Variants in ZNF804B observed in about 807,000 individuals in gnomAD.
ZNF804B encodes zinc finger 804B.
ZNF804B carries 80 observed loss-of-function variants against 101.4 expected under a neutral mutation model. The ratio of observed to expected loss-of-function variants is 0.79; its 90% CI spans 0.66 to 0.95. The LOEUF (loss-of-function observed/expected upper bound fraction) is 0.95, where lower values mean the gene tolerates loss of function less well. Ranked by LOEUF, ZNF804B falls within the 40% of genes least tolerant of loss-of-function variation. ZNF804B has a pLI of 0.00. For missense variants in ZNF804B, 1,673 were observed against 1,561.9 expected, an observed-to-expected ratio of 1.07 and a Z score of -1.20; for synonymous variants, 622 against 558.8, an observed-to-expected ratio of 1.11 and a Z score of -1.59.
At position 89,334,276 on chromosome 7, in the gene ZNF804B, T is replaced by C; in HGVS notation, c.1294T>C (p.Cys432Arg). 6.2e-7 allele frequency: 1 copy of C among 1,613,786 alleles called. No individual in the cohort carries two copies. Among genetic ancestry groups the C allele is most frequent in the African/African-American group, 1.3e-5 (1 of 75,016 alleles). The stretch of plus-strand genomic sequence containing the variant: ...TGTTCAAAGACTTGTAAAAGAAGCA[T>C]GTACCCATAATGTGGCATCTAAACC... ...KNVQRLVKEA[C>R]THNVASKPLP... is the part of the protein sequence containing the mutation. The change falls in exon 4 of 4, where the codon TGT becomes CGT. Residue 432 changes from cysteine to arginine, a missense_variant. Cys to Arg is a radical substitution (Grantham distance 180, BLOSUM62 -3). Transcript: ENST00000333190.
chr7:88,806,161 A>G (rs1450816716), intron 1 of ZNF804B, among the ~76,000 whole-genome samples: 1 of 152,152 alleles, frequency 6.6e-6, no homozygotes, highest in Non-Finnish European at 1.5e-5. Context: ...TATACTCAGA[A>G]AAATCTAAAC....
At chr7:89,292,465 GC>G (rs1790311704) in intron 2 of ZNF804B, among the ~76,000 whole-genome samples, 1 of 152,070 alleles carries the variant, frequency 6.6e-6, no homozygotes, top group Non-Finnish European at 1.5e-5. Context: ...GTTTGTTTAT[GC>G]AGTGTTACAT....
At position 89,082,422 on chromosome 7, in the gene ZNF804B, T is replaced by A. The variant is rs74510174; in HGVS notation, c.109-135733T>A. ...TTACAAGCACCTATTATAGTAATGT[T>A]CTCTATTTTCCATTTAAATTTAAAT... On this transcript the variant is annotated intron_variant, in intron 1 of 3. Transcript: ENST00000333190. Among the ~76,000 whole-genome samples, 1,561 of 151,798 alleles carry A rather than the reference T, an allele frequency of 0.01. 99 individuals carry two copies. In the East Asian group the frequency reaches 0.18, roughly 18 times the overall value.
At chr7:89,154,956 C>T (rs1790934770) in intron 1 of ZNF804B, among the ~76,000 whole-genome samples, 1 of 151,558 alleles carries the variant, frequency 6.6e-6, no homozygotes, top group Non-Finnish European at 1.5e-5. Flanking sequence ...TACCCATTTC[C>T]CATGATGCGA....
chr7:89,012,288 C>T (rs13227808), intron 1 of ZNF804B, among the ~76,000 whole-genome samples: 26,391 of 151,914 alleles, frequency 0.17, 3,749 homozygotes, highest in African/African-American at 0.38. Context: ...GAGGGGCTGC[C>T]GTGAAGACTT....
chr7:88,996,031 T>C (rs971619482), intron 1 of ZNF804B, among the ~76,000 whole-genome samples: 2 of 152,066 alleles, frequency 1.3e-5, no homozygotes, highest in African/African-American at 4.8e-5. Flanking sequence ...AAACATAGTG[T>C]GGCATTGTAG....
intron 2 of ZNF804B, among the ~76,000 whole-genome samples, chr7:89,252,210 A>G (rs1208830): frequency 0.77 from 116,863 of 152,056 alleles, 46,036 homozygotes; most frequent in African/African-American, 0.93. Flanking sequence ...AACTGAAAAA[A>G]CATAAACAAA....
intron 1 of ZNF804B, among the ~76,000 whole-genome samples, chr7:89,180,578 T>C (rs1158341588): frequency 1.3e-5 from 2 of 151,958 alleles, no homozygotes; most frequent in Non-Finnish European, 2.9e-5. Context: ...GAGCTAAGCC[T>C]ACAATGGGGG....
intron 1 of ZNF804B, among the ~76,000 whole-genome samples, chr7:88,913,769 A>T (rs917650572): frequency 6.6e-6 from 1 of 152,226 alleles, no homozygotes; most frequent in Non-Finnish European, 1.5e-5. Flanking sequence ...ACAAGTGTAT[A>T]TGCGGATGAA....
chr7:89,199,402 G>T (rs918924063), intron 1 of ZNF804B, among the ~76,000 whole-genome samples: 1 of 151,718 alleles, frequency 6.6e-6, no homozygotes, highest in Non-Finnish European at 1.5e-5. Context: ...TTTTTATATT[G>T]CTGTTAAAAT....
chr7:88,776,560 G>GTTTTTT (rs57733765), intron 1 of ZNF804B, among the ~76,000 whole-genome samples: 48 of 75,088 alleles, frequency 6.4e-4, no homozygotes, highest in Non-Finnish European at 9.8e-4. Context: ...GTGGTGTTTT[G>GTTTTTT]TTTTTTTTTT....
chr7:89,055,203 C>G (rs1291854270), intron 1 of ZNF804B, among the ~76,000 whole-genome samples: 2 of 151,970 alleles, frequency 1.3e-5, no homozygotes, highest in Non-Finnish European at 2.9e-5. Flanking sequence ...AAGAATCCTT[C>G]TGAGGAAAGG....
At chr7:89,150,166 C>T (rs1790851703) in intron 1 of ZNF804B, among the ~76,000 whole-genome samples, 1 of 151,988 alleles carries the variant, frequency 6.6e-6, no homozygotes, top group Admixed American at 6.6e-5. Flanking sequence ...GCCTATTCAG[C>T]TGTATTTACT....
intron 1 of ZNF804B, among the ~76,000 whole-genome samples, chr7:88,946,024 G>A (rs1485392176): frequency 6.6e-6 from 1 of 152,084 alleles, no homozygotes; most frequent in East Asian, 1.9e-4. Flanking sequence ...ATGCAATCAT[G>A]ACATCTGCAA....
chr7:89,241,793 G>A (rs954658140), intron 2 of ZNF804B, among the ~76,000 whole-genome samples: 5 of 131,074 alleles, frequency 3.8e-5, no homozygotes, highest in Admixed American at 1.5e-4. Flanking sequence ...TTCACGCAGT[G>A]AGAATAGTCT....
chr7:88,912,632 C>T (rs549002635), intron 1 of ZNF804B, among the ~76,000 whole-genome samples: 1 of 152,134 alleles, frequency 6.6e-6, no homozygotes, highest in South Asian at 2.1e-4. Flanking sequence ...TTTATGTTTT[C>T]CATGAAGCTT....
At chr7:89,020,660 T>C (rs1053306295) in intron 1 of ZNF804B, among the ~76,000 whole-genome samples, 7 of 152,194 alleles carry the variant, frequency 4.6e-5, no homozygotes, top group Admixed American at 3.9e-4. Context: ...TCTATACCTT[T>C]TCACTTATTT....
intron 1 of ZNF804B, among the ~76,000 whole-genome samples, chr7:88,946,913 A>C (rs1465574674): frequency 6.6e-6 from 1 of 152,062 alleles, no homozygotes; most frequent in Non-Finnish European, 1.5e-5. Flanking sequence ...ATACGAAAAA[A>C]AAGCTCATCA....
chr7:89,316,463 T>C (rs801822), intron 2 of ZNF804B, among the ~76,000 whole-genome samples: 10,601 of 152,032 alleles, frequency 0.07, 754 homozygotes, highest in African/African-American at 0.18. Context: ...TCCCCAACCC[T>C]TGGGCCACAG....
Sources: gnomAD v4.1 joint callset for allele counts (sites outside exome capture counted in the v4.1 genomes callset) on GRCh38, gnomAD v4.1.1 for gene constraint, MANE v1.5 for transcripts, NCBI Gene and HGNC (gene_info 2026-07-23, HGNC 2026-07-21) for gene names.